WDR59: variants seen among roughly 807,000 people sequenced by gnomAD.
WDR59 encodes WD repeat domain 59.
A neutral mutation model predicts 131.2 loss-of-function variants in WDR59; 100 were observed. That is an observed-to-expected ratio of 0.76 (90% CI 0.65 to 0.90). WDR59 has a LOEUF of 0.90. Ranked by LOEUF, WDR59 falls within the 40% of genes least tolerant of loss-of-function variation. The pLI, the probability that WDR59 is intolerant of heterozygous loss-of-function variation, is 0.00. For missense variants in WDR59, 1,203 were observed against 1,262.2 expected (o/e 0.95, Z 0.71); for synonymous variants, 601 against 466.2 (o/e 1.29, Z -3.72).
chr16:74,920,014 T>C (rs997293276), intron 10 of WDR59, among the ~76,000 whole-genome samples: 2 of 148,570 alleles, frequency 1.3e-5, no homozygotes, highest in Non-Finnish European at 3.0e-5. Flanking sequence ...GAGGCTGCAG[T>C]GAGCCATGCT....
intron 17 of WDR59, among the ~76,000 whole-genome samples, chr16:74,907,931 G>C (rs545047698): frequency 1.3e-5 from 2 of 152,188 alleles, no homozygotes; most frequent in African/African-American, 4.8e-5. Context: ...GTCATAAAAT[G>C]ACAGGGCCAA....
chr16:74,891,141 C>G (rs1429946539), intron 20 of WDR59, among the ~76,000 whole-genome samples: 1 of 148,546 alleles, frequency 6.7e-6, no homozygotes, highest in African/African-American at 2.5e-5. Context: ...AAATCAAATA[C>G]TATTTTCTGG....
intron 18 of WDR59, among the ~76,000 whole-genome samples, chr16:74,900,024 G>A (rs1197414973): frequency 6.6e-6 from 1 of 152,074 alleles, no homozygotes; most frequent in Non-Finnish European, 1.5e-5. Flanking sequence ...GTATATGGAG[G>A]CTGACATCAA....
chr16:74,914,069 G>A (rs1966241341), intron 13 of WDR59, among the ~76,000 whole-genome samples: 1 of 152,136 alleles, frequency 6.6e-6, no homozygotes, highest in Non-Finnish European at 1.5e-5. Flanking sequence ...AAAATTAGCT[G>A]AGCGTGGTGG....
intron 1 of WDR59, among the ~76,000 whole-genome samples, chr16:74,981,660 A>ATATATATATATATATATTTTTTTTTTTT (rs1567451007): frequency 1.2e-5 from 1 of 80,864 alleles, no homozygotes; most frequent in African/African-American, 7.4e-5. Flanking sequence ...ATATATATAT[A>ATATATATATATATATATTTTTTTTTTTT]TTTTTTTTTT....
intron 1 of WDR59, among the ~76,000 whole-genome samples, chr16:74,978,828 C>G (rs2034289545): frequency 6.6e-6 from 1 of 152,024 alleles, no homozygotes; most frequent in African/African-American, 2.4e-5. Context: ...AGAGTTGTCT[C>G]CAAGTATGTT....
At chr16:74,961,710 T>TTGCAAGAA (rs1391904945) in intron 2 of WDR59, among the ~76,000 whole-genome samples, 1 of 152,224 alleles carries the variant, frequency 6.6e-6, no homozygotes, top group Non-Finnish European at 1.5e-5. Flanking sequence ...GATGAATAGG[T>TTGCAAGAA]TGCAAGAATT....
chr16:74,934,951 G>A (rs576446940), intron 8 of WDR59, among the ~76,000 whole-genome samples: 21 of 152,106 alleles, frequency 1.4e-4, no homozygotes, highest in East Asian at 1.2e-3. Context: ...AAGGGTGGTC[G>A]GGCATGGTGG....
rs760183298 is a variant in WDR59, at chr16:74,885,766, A to AATTGCTGGGT, written c.2566_2575dup (p.Phe859TyrfsTer5). 5.0e-6 allele frequency: 8 copies of AATTGCTGGGT among 1,614,028 alleles called. No individual in the cohort carries two copies. The highest frequency in any genetic ancestry group is 6.8e-6 in the Non-Finnish European group (8 of 1,180,030). On this transcript the variant is annotated frameshift_variant, in exon 25 of 26. Transcript: ENST00000262144. LOFTEE classifies it high-confidence loss of function. The stretch of plus-strand genomic sequence containing the variant: ...CCCATAGCATTTCTTAAAGTCATCA[A>AATTGCTGGGT]ATTGCTGGGTATTGGCGGGGTCCAG...
At chr16:74,911,217 T>C (rs1359137974) in intron 14 of WDR59, among the ~76,000 whole-genome samples, 1 of 152,190 alleles carries the variant, frequency 6.6e-6, no homozygotes, top group East Asian at 1.9e-4. Context: ...TATCATTTTA[T>C]ACTAACAGAA....
At chr16:74,959,520 C>T (rs1166506147) in intron 2 of WDR59, 1 of 453,180 alleles carries the variant, frequency 2.2e-6, no homozygotes, top group Non-Finnish European at 4.4e-6. Flanking sequence ...ACTCTTAGTG[C>T]TGCAGGCCGA....
At chr16:74,928,033 G>A (rs1378440863) in intron 8 of WDR59, among the ~76,000 whole-genome samples, 2 of 148,412 alleles carry the variant, frequency 1.3e-5, no homozygotes, top group Non-Finnish European at 3.0e-5. Flanking sequence ...TCAGCCTCCC[G>A]AGTAGCTGGA....
chr16:74,970,273 A>G (rs1856270208), intron 1 of WDR59, among the ~76,000 whole-genome samples: 1 of 152,072 alleles, frequency 6.6e-6, no homozygotes, highest in Non-Finnish European at 1.5e-5. Context: ...TAGCAGTACC[A>G]TGCTGTTTGA....
At position 74,949,786 on chromosome 16, in the gene WDR59, C is replaced by CCAGT; in HGVS notation, c.335_338dup (p.Trp113Ter). 6.2e-7 allele frequency: 1 copy of CCAGT among 1,613,908 alleles called. No individual in the cohort carries two copies. The highest frequency in any genetic ancestry group is 1.1e-5 in the South Asian group (1 of 91,058). ...CCAGGAGGTCAGGCTCAAACACCGCCCAGTCCAAGTCGCTGGGACACAAAG... is the reference window on the plus strand; with the variant it reads ...CCAGGAGGTCAGGCTCAAACACCGCCCAGTCAGTCCAAGTCGCTGGGACACAAAG... On this transcript the variant is annotated stop_gained and frameshift_variant, in exon 5 of 26. Transcript: ENST00000262144. LOFTEE classifies it high-confidence loss of function.
At chr16:74,917,845 T>TAACCTCTA (rs1966467296) in intron 11 of WDR59, 84 bp downstream of exon 11, 1 of 1,110,738 alleles carries the variant, frequency 9.0e-7, no homozygotes, top group African/African-American at 1.6e-5. Context: ...GTTTATCCTG[T>TAACCTCTA]AACCTCTAAT....
Position 74,965,773 on chromosome 16 carries a change from C to G in WDR59, c.104G>C (p.Gly35Ala). 6.2e-7 allele frequency: 1 copy of G among 1,614,042 alleles called. No individual in the cohort carries two copies. ...AGACAAACTCGGCAAGCTTACTTAC[C>G]CAGAAAGCACTGCATGCTGCCCAAG... Reference protein sequence around the residue: ...DCLGQHAVLSGRRFLYIVNLD... With the variant: ...DCLGQHAVLSARRFLYIVNLD... Residue 35 changes from glycine to alanine, a missense_variant and splice_region_variant, in exon 2 of 26, where the codon GGC becomes GCC. Physicochemically the swap from Gly to Ala is moderately conservative, Grantham distance 60. Transcript: ENST00000262144.
chr16:74,916,330 T>C lies in WDR59; in HGVS notation c.967-71A>G, dbSNP rs2144969036. ...ATGATTGTCATGTCTGATTAAAGAG[T>C]TCTGACTTAAAAATGGGAAGGGCAA... On this transcript the variant is annotated intron_variant, in intron 11 of 25. Transcript: ENST00000262144. 9 of 1,593,698 alleles carry C rather than the reference T, an allele frequency of 5.6e-6. 1 individual carries two copies. The South Asian group carries it at 8.9e-5, about 16-fold the overall frequency.
chr16:74,918,684 C>T (rs1027458378), intron 10 of WDR59, among the ~76,000 whole-genome samples: 4 of 152,138 alleles, frequency 2.6e-5, no homozygotes, highest in Admixed American at 2.0e-4. Context: ...AGGACATTTG[C>T]GGATAATTAT....
chr16:74,878,737 G>A (rs899810648), intron 25 of WDR59, among the ~76,000 whole-genome samples: 3 of 152,174 alleles, frequency 2.0e-5, no homozygotes, highest in Non-Finnish European at 4.4e-5. Flanking sequence ...TTTACGGGAT[G>A]AATTAAAAGA....
Sources: allele counts gnomAD v4.1 joint callset (sites outside exome capture counted in the v4.1 genomes callset), GRCh38; gene constraint gnomAD v4.1.1; transcripts MANE v1.5; gene names NCBI Gene and HGNC (gene_info 2026-07-23, HGNC 2026-07-21).